The following ARHGEF4 variants were observed in gnomAD, a reference collection of about 807,000 sequenced individuals.
The protein encoded by ARHGEF4 is APC-stimulated guanine nucleotide exchange factor 1.
A neutral mutation model predicts 162.0 loss-of-function variants in ARHGEF4; 119 were observed. That is an observed-to-expected ratio of 0.73 (90% CI 0.63 to 0.86). The LOEUF (loss-of-function observed/expected upper bound fraction) is 0.86. Ranked by LOEUF, ARHGEF4 falls within the 40% of genes least tolerant of loss-of-function variation. The probability of loss-of-function intolerance (pLI) is 0.00; values close to 1 mark genes in which losing one functional copy is unlikely to be tolerated. For synonymous variants in ARHGEF4, 1,014 were observed against 979.9 expected, an observed-to-expected ratio of 1.03 and a Z score of -0.65; for missense variants, 2,488 against 2,456.0, an observed-to-expected ratio of 1.01 and a Z score of -0.28.
In ARHGEF4 at chr2:131,046,313, T is replaced by C. The variant is rs1029460699; in HGVS notation, c.*124T>C. The C allele has an allele frequency of 9.7e-7, 1 of 1,030,618 alleles. No individual in the cohort carries two copies. The highest frequency in any genetic ancestry group is 1.4e-6 in the Non-Finnish European group (1 of 716,520). 63.8% of individuals were successfully genotyped at this position (1,030,618 alleles called of 1,614,324 possible). A position where few individuals can be genotyped will look rare whatever the true frequency, so the allele number is the denominator to read the frequency against. ...AGTGAGCAGGGATGGGCTGGGGAGT[T>C]GCTTGTGCCACCAAGACGTGCCAGG... On this transcript the variant is annotated 3_prime_UTR_variant, in exon 14 of 14. Transcript: ENST00000409359.
rs948778954 is a variant in ARHGEF4, at chr2:130,915,982, C to A, written c.2036C>A (p.Thr679Asn). ...GGCGAGACCCCCTGTGAGTCTCCCA[C>A]TAGGGGGAAAACACCAGCCGGTAAT... ...STGETPCESPTRGKTPAGNEC... is the reference protein window; with the variant it reads ...STGETPCESPNRGKTPAGNEC... Residue 679 changes from threonine to asparagine, a missense_variant, in exon 2 of 14, where the codon ACT (threonine) becomes AAT (asparagine). By Grantham distance (65) the Thr-to-Asn change is moderately conservative (BLOSUM62 0). This residue lies in a region of ARHGEF4 where 1,642 missense variants were observed against 1,481.5 expected (regional missense o/e 1.11). Coordinates refer to ENST00000409359, the MANE Select transcript of ARHGEF4 (RefSeq NM_001367493.1). The A allele has an allele frequency of 1.0e-5, 16 of 1,550,422 alleles. No homozygotes were observed. The highest frequency in any genetic ancestry group is 1.4e-5 in the Non-Finnish European group (16 of 1,146,982).
intron 4 of ARHGEF4, among the ~76,000 whole-genome samples, chr2:131,018,943 A>T (rs916652283): frequency 6.6e-6 from 1 of 152,222 alleles, no homozygotes; most frequent in African/African-American, 2.4e-5. Flanking sequence ...CTATTGGTCT[A>T]TATATCTATC....
Position 131,006,745 on chromosome 2 carries a change from G to C in ARHGEF4, c.3986-21200G>C, listed in dbSNP as rs181757814. 6.1e-3 allele frequency among the ~76,000 whole-genome samples: 926 copies of C among 152,294 alleles called. 6 individuals carry two copies. The highest frequency in any genetic ancestry group is 0.021 in the African/African-American group (884 of 41,558). On this transcript the variant is annotated intron_variant, in intron 4 of 13. Transcript: ENST00000409359. ...GGACTGTTAAGCAAAGAGCAGATTA[G>C]GTGAGGCCACCCACCAAAGTACCAA...
At chr2:131,035,042 G>A (rs1464267170) in intron 5 of ARHGEF4, 10 of 993,746 alleles carry the variant, frequency 1.0e-5, no homozygotes, top group Non-Finnish European at 1.2e-5. Context: ...CACCGGCTCG[G>A]CCCTGTGCGG....
intron 4 of ARHGEF4, among the ~76,000 whole-genome samples, chr2:131,015,299 C>T (rs1341702057): frequency 2.0e-5 from 3 of 152,084 alleles, no homozygotes; most frequent in Non-Finnish European, 4.4e-5. Flanking sequence ...TTCAGTGAGC[C>T]GTTTGTACAA....
In ARHGEF4 at chr2:130,914,677, T is replaced by G; in HGVS notation, c.731T>G (p.Ile244Ser). ...GAACTGGGTCGGAGTTGGCCACATA[T>G]CCACAACAGGGCCAGGGCACTGGTG... is the stretch of plus-strand genomic sequence containing the variant. ...CCELGRSWPH[I>S]HNRARALVLP... is the part of the protein sequence containing the mutation. Residue 244 changes from isoleucine to serine, a missense_variant, in exon 2 of 14, where the codon ATC becomes AGC. Ile to Ser is a moderately radical substitution (Grantham distance 142). Transcript: ENST00000409359. The G allele has an allele frequency of 1.4e-6, 2 of 1,390,772 alleles. No individual in the cohort carries two copies. The highest frequency in any genetic ancestry group is 1.9e-6 in the Non-Finnish European group (2 of 1,079,004). The allele number at this position is 1,390,772 out of a possible 1,614,324, so 86.2% of individuals were successfully genotyped here. A position where few individuals can be genotyped will look rare whatever the true frequency, so the allele number is the denominator to read the frequency against.
intron 4 of ARHGEF4, among the ~76,000 whole-genome samples, chr2:131,005,217 C>T (rs1014601542): frequency 2.0e-5 from 3 of 152,184 alleles, no homozygotes; most frequent in Non-Finnish European, 2.9e-5. Context: ...ATATCTGTCA[C>T]GCTCTGGGGG....
At chr2:130,999,128 T>C (rs1212555986) in intron 4 of ARHGEF4, among the ~76,000 whole-genome samples, 2 of 152,098 alleles carry the variant, frequency 1.3e-5, no homozygotes, top group African/African-American at 4.8e-5. Flanking sequence ...AATTGAGTTG[T>C]TTTCTTATAA....
intron 5 of ARHGEF4, among the ~76,000 whole-genome samples, chr2:131,030,777 A>G (rs941430700): frequency 1.3e-5 from 2 of 152,190 alleles, no homozygotes; most frequent in Non-Finnish European, 2.9e-5. Flanking sequence ...GGTGGATGTG[A>G]CACCGGAGCC....
chr2:130,957,248 CTTT>C (rs71398520), intron 4 of ARHGEF4, among the ~76,000 whole-genome samples: 1 of 143,878 alleles, frequency 7.0e-6, no homozygotes, highest in Admixed American at 7.0e-5. Flanking sequence ...CCAACTCATT[CTTT>C]TTTTTTTTTG....
At chr2:130,999,392 G>A (rs1039179269) in intron 4 of ARHGEF4, among the ~76,000 whole-genome samples, 1 of 152,102 alleles carries the variant, frequency 6.6e-6, no homozygotes, top group African/African-American at 2.4e-5. Flanking sequence ...TCCTGACCTT[G>A]TGATCCGCCC....
chr2:131,035,202 C>T, intron 5 of ARHGEF4: 3 of 1,224,064 alleles, frequency 2.5e-6, no homozygotes, highest in Non-Finnish European at 3.1e-6. Context: ...TGGTCTCCGC[C>T]GTGCTGGCGC....
At chr2:131,020,127 T>C (rs1266050857) in intron 4 of ARHGEF4, among the ~76,000 whole-genome samples, 2 of 152,254 alleles carry the variant, frequency 1.3e-5, no homozygotes, top group East Asian at 3.8e-4. Flanking sequence ...GAAGATGTCA[T>C]CTGCAAACAG....
intron 1 of ARHGEF4, among the ~76,000 whole-genome samples, chr2:130,910,758 C>T (rs532706124): frequency 6.6e-6 from 1 of 152,284 alleles, no homozygotes; most frequent in South Asian, 2.1e-4. Flanking sequence ...TTTCAACTAA[C>T]TTCAAAAAAT....
intron 3 of ARHGEF4, among the ~76,000 whole-genome samples, chr2:130,934,729 A>G (rs544891038): frequency 6.6e-6 from 1 of 152,274 alleles, no homozygotes; most frequent in Admixed American, 6.5e-5. Flanking sequence ...TTTTTGATAG[A>G]GACAGGGTTT....
chr2:131,020,485 C>T, intron 4 of ARHGEF4, among the ~76,000 whole-genome samples: 1 of 151,988 alleles, frequency 6.6e-6, no homozygotes, highest in East Asian at 1.9e-4. Context: ...TGATGGTTTC[C>T]AGCTTCATCC....
At chr2:130,978,848 G>C (rs1350528106) in intron 4 of ARHGEF4, among the ~76,000 whole-genome samples, 1 of 152,086 alleles carries the variant, frequency 6.6e-6, no homozygotes, top group Non-Finnish European at 1.5e-5. Context: ...TTTCTGTCCT[G>C]CAGTAGTTCA....
At chr2:130,901,680 C>G (rs1680499048) in intron 1 of ARHGEF4, among the ~76,000 whole-genome samples, 1 of 152,056 alleles carries the variant, frequency 6.6e-6, no homozygotes, top group Non-Finnish European at 1.5e-5. Context: ...GCCACCACAC[C>G]CGGCTAATTT....
chr2:130,994,511 T>C (rs965912054), intron 4 of ARHGEF4, among the ~76,000 whole-genome samples: 6 of 152,210 alleles, frequency 3.9e-5, no homozygotes, highest in Non-Finnish European at 7.3e-5. Flanking sequence ...TTATAGGCCA[T>C]TGTTTTCATA....
Sources: allele counts gnomAD v4.1 joint callset (sites outside exome capture counted in the v4.1 genomes callset), GRCh38; gene constraint gnomAD v4.1.1; regional missense constraint gnomAD v4.1.1; transcripts MANE v1.5; gene names NCBI Gene and HGNC (gene_info 2026-07-23, HGNC 2026-07-21).